ELAVL4: variants seen among roughly 807,000 people sequenced by gnomAD.
The protein encoded by ELAVL4 is ELAV-like protein 4.
A neutral mutation model predicts 35.6 loss-of-function variants in ELAVL4; 1 was observed. That is an observed-to-expected ratio of 0.03 (90% CI 0.01 to 0.13). The LOEUF (loss-of-function observed/expected upper bound fraction) is 0.13. Among genes scored for constraint, ELAVL4 ranks in the 10% least tolerant of loss-of-function variants. ELAVL4 has a pLI of 1.00. For synonymous variants in ELAVL4, 156 were observed against 171.0 expected (o/e 0.91, Z 0.69); for missense variants, 267 against 464.9 (o/e 0.57, Z 3.91).
chr1:50,092,791 A>G (rs944162213), intron 1 of ELAVL4, among the ~76,000 whole-genome samples: 1 of 152,230 alleles, frequency 6.6e-6, no homozygotes, highest in African/African-American at 2.4e-5. Flanking sequence ...ACTTTAGTTC[A>G]GTTAGGTAAA....
chr1:50,192,519 G>GCGCACA (rs1032056096), intron 3 of ELAVL4, among the ~76,000 whole-genome samples: 32 of 140,446 alleles, frequency 2.3e-4, no homozygotes, highest in South Asian at 1.5e-3. Context: ...TTGTGTGCAC[G>GCGCACA]CACACACACA....
intron 2 of ELAVL4, among the ~76,000 whole-genome samples, chr1:50,153,336 T>G (rs1186088254): frequency 6.6e-6 from 1 of 152,208 alleles, no homozygotes; most frequent in Non-Finnish European, 1.5e-5. Context: ...CTAGGCATAT[T>G]ATAGATGTTA....
At chr1:50,049,146 C>T (rs1375417586) in intron 1 of ELAVL4, among the ~76,000 whole-genome samples, 1 of 152,142 alleles carries the variant, frequency 6.6e-6, no homozygotes. Context: ...TAAAATCTTC[C>T]CACTGGGGAC....
chr1:50,106,513 A>G, upstream of ELAVL4: 2 of 715,746 alleles, frequency 2.8e-6, no homozygotes, highest in Non-Finnish European at 4.8e-6. Context: ...CAGAAAAAAA[A>G]AATCATGCAT....
intron 1 of ELAVL4, among the ~76,000 whole-genome samples, chr1:50,048,689 A>G (rs1410406055): frequency 6.6e-6 from 1 of 152,054 alleles, no homozygotes; most frequent in Non-Finnish European, 1.5e-5. Context: ...GACTTTCGCT[A>G]ATTGTCTCAC....
At chr1:50,107,980 T>C (rs756178439), upstream of ELAVL4, among the ~76,000 whole-genome samples, 4 of 152,178 alleles carry the variant, frequency 2.6e-5, no homozygotes, top group Admixed American at 6.5e-5. Context: ...AGAAGCAAAA[T>C]CACTTATTTA....
chr1:50,139,733 A>C (rs1015175151), intron 1 of ELAVL4, among the ~76,000 whole-genome samples: 7 of 152,156 alleles, frequency 4.6e-5, no homozygotes, highest in African/African-American at 1.7e-4. Flanking sequence ...TTAGTTTCCA[A>C]GAGCAGGAGG....
intron 1 of ELAVL4, among the ~76,000 whole-genome samples, chr1:50,071,956 G>A (rs1034774366): frequency 1.3e-5 from 2 of 152,174 alleles, no homozygotes; most frequent in South Asian, 2.1e-4. Flanking sequence ...CATCCAGTAA[G>A]TAGTCAACAA....
At chr1:50,167,874 A>G (rs998382576) in intron 2 of ELAVL4, among the ~76,000 whole-genome samples, 1 of 152,090 alleles carries the variant, frequency 6.6e-6, no homozygotes, top group Non-Finnish European at 1.5e-5. Flanking sequence ...CCTCTCCCCA[A>G]ATTTCTTTGT....
intron 1 of ELAVL4, among the ~76,000 whole-genome samples, chr1:50,083,319 G>T (rs536237147): frequency 6.6e-6 from 1 of 152,196 alleles, no homozygotes. Flanking sequence ...TCCCAACTCA[G>T]CCTCCCCCAA....
chr1:50,157,101 C>T (rs1185163214), intron 2 of ELAVL4, among the ~76,000 whole-genome samples: 1 of 152,048 alleles, frequency 6.6e-6, no homozygotes, highest in Non-Finnish European at 1.5e-5. Flanking sequence ...AAGTCGGGGA[C>T]GGTCTGTAGT....
At chr1:50,133,458 T>G (rs1671203359) in intron 1 of ELAVL4, among the ~76,000 whole-genome samples, 1 of 152,010 alleles carries the variant, frequency 6.6e-6, no homozygotes, top group African/African-American at 2.4e-5. Context: ...TCCCAGGGAA[T>G]GTTTAGGGGC....
chr1:50,072,769 G>C (rs1207124174), intron 1 of ELAVL4, among the ~76,000 whole-genome samples: 1 of 152,154 alleles, frequency 6.6e-6, no homozygotes. Context: ...TCCTTCTACA[G>C]CACTAGGAGT....
chr1:50,065,786 A>G (rs754917378), intron 1 of ELAVL4, among the ~76,000 whole-genome samples: 2 of 152,180 alleles, frequency 1.3e-5, no homozygotes, highest in Admixed American at 6.5e-5. Context: ...GCAAGAAGGT[A>G]GCTCTGCTGA....
At chr1:50,140,224 T>G (rs956373996) in intron 1 of ELAVL4, among the ~76,000 whole-genome samples, 1 of 152,202 alleles carries the variant, frequency 6.6e-6, no homozygotes, top group African/African-American at 2.4e-5. Context: ...GAATGTTTCA[T>G]TAAAGTACAT....
intron 1 of ELAVL4, among the ~76,000 whole-genome samples, chr1:50,138,465 C>CT (rs71733060): frequency 1.2e-3 from 175 of 146,604 alleles, no homozygotes; most frequent in Admixed American, 1.4e-3. Context: ...TGAATGAGTG[C>CT]TTTTTTTTTT....
chr1:50,186,415 C>CCTGGGAT (rs1168427440), intron 3 of ELAVL4, among the ~76,000 whole-genome samples: 1 of 152,126 alleles, frequency 6.6e-6, no homozygotes, highest in Non-Finnish European at 1.5e-5. Context: ...ACTTGTAGTG[C>CCTGGGAT]CTGGGATCTG....
intron 1 of ELAVL4, among the ~76,000 whole-genome samples, chr1:50,068,026 T>C (rs1389090583): frequency 6.6e-6 from 1 of 152,152 alleles, no homozygotes; most frequent in Non-Finnish European, 1.5e-5. Flanking sequence ...GGAACTATAA[T>C]TCAAGATGAG....
chr1:50,073,767 TTGTATG>T (rs2148489381), intron 1 of ELAVL4, among the ~76,000 whole-genome samples: 1 of 152,124 alleles, frequency 6.6e-6, no homozygotes, highest in Admixed American at 6.5e-5. Context: ...ACCAAGAGCT[TTGTATG>T]AATATAATGA....
Sources: gnomAD v4.1 joint callset for allele counts (sites outside exome capture counted in the v4.1 genomes callset) on GRCh38, gnomAD v4.1.1 for gene constraint, MANE v1.5 for transcripts, NCBI Gene and HGNC (gene_info 2026-07-23, HGNC 2026-07-21) for gene names.